The following SH3RF3 variants were observed in gnomAD, a reference collection of about 807,000 sequenced individuals.
The protein encoded by SH3RF3 is SH3 domain containing ring finger 3.
A neutral mutation model predicts 66.3 loss-of-function variants in SH3RF3; 29 were observed. The observed-to-expected ratio is 0.44, with a 90% CI of 0.33 to 0.60. The LOEUF is 0.60. Among genes scored for constraint, SH3RF3 ranks in the 20% least tolerant of loss-of-function variants. The pLI, the probability that SH3RF3 is intolerant of heterozygous loss-of-function variation, is 0.04. For missense variants in SH3RF3, 1,194 were observed against 1,190.9 expected (o/e 1.00, Z -0.04); for synonymous variants, 583 against 532.0 (o/e 1.10, Z -1.32).
At chr2:109,334,607 C>T (rs930063316) in intron 1 of SH3RF3, among the ~76,000 whole-genome samples, 5 of 152,112 alleles carry the variant, frequency 3.3e-5, no homozygotes, top group African/African-American at 4.8e-5. Context: ...GTGTCCACTG[C>T]GCTGATTCCA....
chr2:109,154,401 G>C (rs11681808), intron 1 of SH3RF3, among the ~76,000 whole-genome samples: 21,515 of 152,218 alleles, frequency 0.14, 1,686 homozygotes, highest in Middle Eastern at 0.21. Flanking sequence ...GCCCCCCAGC[G>C]CTGCTGCCAT....
intron 3 of SH3RF3, among the ~76,000 whole-genome samples, chr2:109,379,609 T>C (rs1683466855): frequency 1.3e-5 from 2 of 152,226 alleles, no homozygotes; most frequent in African/African-American, 4.8e-5. Flanking sequence ...GTTTGAAGTT[T>C]CATTTTATTT....
chr2:109,139,312 CTT>C (rs373006887), intron 1 of SH3RF3, among the ~76,000 whole-genome samples: 1 of 146,228 alleles, frequency 6.8e-6, no homozygotes, highest in South Asian at 2.2e-4. Flanking sequence ...TGAGACTGAC[CTT>C]TTTTTTTTTA....
chr2:109,436,861 T>C (rs1366172659), intron 6 of SH3RF3, 32 bp from the exon 7 acceptor site: 1 of 1,605,430 alleles, frequency 6.2e-7, no homozygotes, highest in Non-Finnish European at 8.5e-7. Flanking sequence ...TCTGAGCCTC[T>C]CATCAGAATT....
chr2:109,212,326 T>TA (rs1679005419), intron 1 of SH3RF3, among the ~76,000 whole-genome samples: 1 of 152,198 alleles, frequency 6.6e-6, no homozygotes, highest in East Asian at 1.9e-4. Context: ...AGTTTTCAAT[T>TA]AGAGTCTGAC....
At chr2:109,383,723 T>C (rs1464417422) in intron 3 of SH3RF3, among the ~76,000 whole-genome samples, 1 of 152,218 alleles carries the variant, frequency 6.6e-6, no homozygotes, top group Non-Finnish European at 1.5e-5. Context: ...AGCTCAGAGC[T>C]ACTCTCTGTT....
intron 1 of SH3RF3, among the ~76,000 whole-genome samples, chr2:109,196,526 C>T (rs367789983): frequency 5.6e-4 from 86 of 152,352 alleles, no homozygotes; most frequent in African/African-American, 2.0e-3. Flanking sequence ...AGCTACTTAG[C>T]ACCTGTGCTG....
intron 3 of SH3RF3, among the ~76,000 whole-genome samples, chr2:109,378,808 T>C (rs1348404764): frequency 6.6e-6 from 1 of 152,228 alleles, no homozygotes; most frequent in African/African-American, 2.4e-5. Flanking sequence ...CCTGGCTTTA[T>C]GTGACCTCAG....
At chr2:109,484,148 C>G (rs1477393066) in intron 8 of SH3RF3, among the ~76,000 whole-genome samples, 1 of 151,016 alleles carries the variant, frequency 6.6e-6, no homozygotes, top group Non-Finnish European at 1.5e-5. Context: ...GTCACTGCAA[C>G]CTCTGCCTTC....
chr2:109,435,293 C>T (rs967134742), intron 6 of SH3RF3, among the ~76,000 whole-genome samples: 1 of 152,204 alleles, frequency 6.6e-6, no homozygotes, highest in East Asian at 1.9e-4. Context: ...GTGGAAGACA[C>T]CTGTCCCCCT....
chr2:109,486,712 C>G (rs1298277889), intron 8 of SH3RF3, among the ~76,000 whole-genome samples: 1 of 151,852 alleles, frequency 6.6e-6, no homozygotes, highest in Non-Finnish European at 1.5e-5. Context: ...GTGGTTGGCG[C>G]AGGATGTGTT....
chr2:109,470,957 C>T (rs1189748466), intron 8 of SH3RF3, among the ~76,000 whole-genome samples: 2 of 152,146 alleles, frequency 1.3e-5, no homozygotes, highest in East Asian at 1.9e-4. Context: ...CGGTGGCTCA[C>T]GCCTGTAATC....
chr2:109,343,990 A>C (rs541781630), intron 1 of SH3RF3, among the ~76,000 whole-genome samples: 1 of 152,060 alleles, frequency 6.6e-6, no homozygotes, highest in Non-Finnish European at 1.5e-5. Flanking sequence ...GTGATTTTCC[A>C]TCCTCAGCCT....
intron 1 of SH3RF3, among the ~76,000 whole-genome samples, chr2:109,333,946 A>C (rs984912144): frequency 6.6e-6 from 1 of 152,246 alleles, no homozygotes; most frequent in Non-Finnish European, 1.5e-5. Flanking sequence ...TAATGAGGAC[A>C]TGCTCAGAGT....
rs33913705 is a variant in SH3RF3, at chr2:109,143,809, TACACACAC to T, written c.573+13713_573+13720del. ...AAAAGGCTGCCTGTGCTGTGCTGTA[TACACACAC>T]ACACACACACACACACGTATATACA... On this transcript the variant is annotated intron_variant, in intron 1 of 9. Transcript: ENST00000309415. 6.7e-5 allele frequency among the ~76,000 whole-genome samples: 10 copies of T among 148,824 alleles called. No homozygotes were observed. The East Asian group carries it at 1.2e-3, about 18-fold the overall frequency.
chr2:109,159,138 G>T (rs910404312), intron 1 of SH3RF3, among the ~76,000 whole-genome samples: 12 of 112,648 alleles, frequency 1.1e-4, no homozygotes, highest in Admixed American at 3.5e-4. Context: ...ACAAAAAGGT[G>T]CCCTTACACA....
At chr2:109,415,612 G>A (rs983098930) in intron 4 of SH3RF3, among the ~76,000 whole-genome samples, 1 of 152,144 alleles carries the variant, frequency 6.6e-6, no homozygotes, top group Non-Finnish European at 1.5e-5. Flanking sequence ...GGCTGTGGCT[G>A]CCTTCTCCCT....
At chr2:109,384,388 T>G (rs1403355699) in intron 3 of SH3RF3, among the ~76,000 whole-genome samples, 2 of 152,010 alleles carry the variant, frequency 1.3e-5, no homozygotes, top group Non-Finnish European at 2.9e-5. Flanking sequence ...CGCTCGGGAC[T>G]TGGCAGGGAA....
chr2:109,387,768 G>A (rs1330895168), intron 3 of SH3RF3, among the ~76,000 whole-genome samples: 2 of 152,174 alleles, frequency 1.3e-5, no homozygotes, highest in African/African-American at 2.4e-5. Flanking sequence ...GGTTTTGTCT[G>A]TATTTATTTC....
Sources: allele counts gnomAD v4.1 joint callset (sites outside exome capture counted in the v4.1 genomes callset), GRCh38; gene constraint gnomAD v4.1.1; transcripts MANE v1.5; gene names NCBI Gene and HGNC (gene_info 2026-07-23, HGNC 2026-07-21).